DGUOK: variants seen among roughly 807,000 people sequenced by gnomAD.
The protein encoded by DGUOK is deoxyguanosine kinase, mitochondrial.
DGUOK carries 30 observed loss-of-function variants against 36.6 expected under a neutral mutation model. The ratio of observed to expected loss-of-function variants is 0.82; its 90% confidence interval spans 0.61 to 1.11. The LOEUF is 1.11. Among genes scored for constraint, DGUOK ranks in the 50% most tolerant of loss-of-function variants. The pLI, the probability that DGUOK is intolerant of heterozygous loss-of-function variation, is 0.00. For missense variants in DGUOK, 361 were observed against 336.4 expected (o/e 1.07, Z -0.57); for synonymous variants, 145 against 126.3 (o/e 1.15, Z -0.99).
chr2:73,957,042 G>T, intron 4 of DGUOK, 83 bp from the exon 5 acceptor site: 1 of 885,266 alleles, frequency 1.1e-6, no homozygotes, highest in Non-Finnish European at 1.9e-6. Context: ...AGACATTATG[G>T]GTGGGCCTCA....
At chr2:73,956,985 GA>G in intron 4 of DGUOK, 139 bp from the exon 5 acceptor site, 2 of 492,746 alleles carry the variant, frequency 4.1e-6, no homozygotes, top group South Asian at 3.4e-5. Flanking sequence ...GATTGCATAA[GA>G]AAACAAGACA....
intron 4 of DGUOK, among the ~76,000 whole-genome samples, chr2:73,953,900 T>G (rs1240114458): frequency 6.6e-6 from 1 of 151,992 alleles, no homozygotes; most frequent in Non-Finnish European, 1.5e-5. Flanking sequence ...TTTTTGTATT[T>G]TTAGTAGAGA....
chr2:73,927,202 A>G, intron 1 of DGUOK, 150 bp downstream of exon 1: 1 of 1,067,810 alleles, frequency 9.4e-7, no homozygotes, highest in Non-Finnish European at 1.3e-6. Context: ...CGCAAAGTGC[A>G]CTGTGTATCT....
intron 4 of DGUOK, 40 bp from the exon 5 acceptor site, chr2:73,957,085 A>G (rs760354653): frequency 6.7e-7 from 1 of 1,490,652 alleles, no homozygotes; most frequent in Non-Finnish European, 9.4e-7. Flanking sequence ...AGCAGCCAAA[A>G]CAGCAAAGAG....
chr2:73,958,555 T>C (rs1322982173), intron 6 of DGUOK, among the ~76,000 whole-genome samples, 155 bp from the exon 7 acceptor site: 1 of 152,204 alleles, frequency 6.6e-6, no homozygotes, highest in Admixed American at 6.5e-5. Context: ...CTTGATGCTA[T>C]ATGACCCTGG....
At chr2:73,938,569 G>A (rs1210465280) in intron 1 of DGUOK, among the ~76,000 whole-genome samples, 1 of 152,164 alleles carries the variant, frequency 6.6e-6, no homozygotes, top group African/African-American at 2.4e-5. Flanking sequence ...AGTACAAATA[G>A]AATGGTGACT....
intron 2 of DGUOK, among the ~76,000 whole-genome samples, chr2:73,945,017 C>T (rs1304483172): frequency 6.6e-6 from 1 of 152,192 alleles, no homozygotes; most frequent in African/African-American, 2.4e-5. Context: ...TTTTCTGGTC[C>T]ACTCTGCTCT....
In DGUOK at chr2:73,949,038, G is replaced by A. The variant is rs191955029; in HGVS notation, c.444-1547G>A. ...GTAATCTTGGCTCACTGCAACCTCC[G>A]CCTCCTGGGTTCAAGCAATTCTTGT... On this transcript the variant is annotated intron_variant, in intron 3 of 6. Coordinates refer to ENST00000264093, the MANE Select transcript of DGUOK (RefSeq NM_080916.3). Among the ~76,000 whole-genome samples, 87 of 152,230 alleles carry A rather than the reference G, an allele frequency of 5.7e-4. 1 individual carries two copies. The highest frequency in any genetic ancestry group is 1.0e-3 in the Non-Finnish European group (71 of 68,018).
intron 1 of DGUOK, among the ~76,000 whole-genome samples, chr2:73,928,422 C>G (rs1299964539): frequency 1.3e-5 from 2 of 152,232 alleles, no homozygotes; most frequent in Non-Finnish European, 2.9e-5. Context: ...GCCACTGCAC[C>G]TGGCCGAAGT....
chr2:73,947,402 A>G (rs1375836826), intron 3 of DGUOK, among the ~76,000 whole-genome samples: 1 of 152,162 alleles, frequency 6.6e-6, no homozygotes, highest in Non-Finnish European at 1.5e-5. Context: ...AGGCAGAAAT[A>G]GCACATCTGA....
At chr2:73,958,372 C>T (rs1005359578) in intron 6 of DGUOK, 127 bp downstream of exon 6, 1 of 755,832 alleles carries the variant, frequency 1.3e-6, no homozygotes, top group South Asian at 1.5e-5. Context: ...TTTCACACTC[C>T]AAGGCCTATG....
chr2:73,957,921 G>A (rs1324339179), intron 5 of DGUOK: 3 of 444,720 alleles, frequency 6.7e-6, no homozygotes, highest in Non-Finnish European at 1.3e-5. Flanking sequence ...TTGGTGCTCT[G>A]ACTGTTTGTT....
chr2:73,951,278 G>A (rs1682684351), intron 4 of DGUOK, among the ~76,000 whole-genome samples: 2 of 152,034 alleles, frequency 1.3e-5, no homozygotes, highest in East Asian at 1.9e-4. Context: ...ATGATGTCAC[G>A]GCAGGAGCAC....
rs1204202206 is a variant in DGUOK at position 73,926,905 on chromosome 2, G to A, written c.-6G>A. The A allele has an allele frequency of 1.9e-6, 3 of 1,613,418 alleles. No homozygotes were observed. The highest frequency in any genetic ancestry group is 1.1e-5 in the South Asian group (1 of 91,084). On this transcript the variant is annotated 5_prime_UTR_variant, in exon 1 of 7. Coordinates refer to ENST00000264093, the MANE Select transcript of DGUOK (RefSeq NM_080916.3). ...GGAAGTGATCGCTGTGTGAATCGTGGGTGGGATGGCCGCGGGCCGCCTCTT... is the reference window on the plus strand; with the variant it reads ...GGAAGTGATCGCTGTGTGAATCGTGAGTGGGATGGCCGCGGGCCGCCTCTT...
intron 2 of DGUOK, among the ~76,000 whole-genome samples, chr2:73,942,598 CATT>C (rs67181621): frequency 0.64 from 97,463 of 151,710 alleles, 31,715 homozygotes; most frequent in Non-Finnish European, 0.69. Context: ...TTTAATTTCT[CATT>C]ATTTTTTTAT....
At chr2:73,956,000 T>G (rs1683058371) in intron 4 of DGUOK, among the ~76,000 whole-genome samples, 1 of 152,108 alleles carries the variant, frequency 6.6e-6, no homozygotes, top group African/African-American at 2.4e-5. Context: ...AAACAAACAT[T>G]TGGAGCAAAA....
In DGUOK at chr2:73,958,790, G is replaced by GA; in HGVS notation, c.*59dup. On this transcript the variant is annotated 3_prime_UTR_variant, in exon 7 of 7. Coordinates refer to ENST00000264093, the MANE Select transcript of DGUOK (RefSeq NM_080916.3). ...TGGGCTCCCTGACTTTCTGAAGCTA[G>GA]AAAAATGTTGTGTCTCCCAACCACC... The GA allele has an allele frequency of 6.6e-7, 1 of 1,513,114 alleles. No individual in the cohort carries two copies. Among genetic ancestry groups the GA allele is most frequent in the Non-Finnish European group, 9.2e-7 (1 of 1,087,610 alleles). The allele number at this position is 1,513,114 out of a possible 1,614,324, so 93.7% of individuals were successfully genotyped here.
intron 4 of DGUOK, among the ~76,000 whole-genome samples, chr2:73,951,248 G>A (rs534556836): frequency 6.6e-6 from 1 of 152,264 alleles, no homozygotes; most frequent in East Asian, 1.9e-4. Context: ...TCTGGCTGGT[G>A]CCATCCTACA....
chr2:73,936,048 A>C (rs1221994779), intron 1 of DGUOK, among the ~76,000 whole-genome samples: 1 of 152,262 alleles, frequency 6.6e-6, no homozygotes, highest in Non-Finnish European at 1.5e-5. Context: ...ACAATTGTTC[A>C]ATCCCAGCCA....
Sources: allele counts gnomAD v4.1 joint callset (sites outside exome capture counted in the v4.1 genomes callset), GRCh38; gene constraint gnomAD v4.1.1; transcripts MANE v1.5; gene names NCBI Gene and HGNC (gene_info 2026-07-23, HGNC 2026-07-21).